Variants in ADAM18 observed in about 807,000 individuals in gnomAD.
ADAM18 encodes the protein ADAM metallopeptidase domain 18, also known as disintegrin and metalloproteinase domain-containing protein 18.
Under a neutral mutation model 94.4 loss-of-function variants are expected in ADAM18, and 117 were observed. That is an observed-to-expected ratio of 1.24 (90% confidence interval 1.07 to 1.45). The LOEUF (loss-of-function observed/expected upper bound fraction) is 1.45. Ranked by LOEUF, ADAM18 falls within the 40% of genes most tolerant of loss-of-function variation. ADAM18 has a pLI of 0.00. For missense variants in ADAM18, 936 were observed against 880.0 expected (o/e 1.06, Z -0.81); for synonymous variants, 327 against 291.6 (o/e 1.12, Z -1.24).
intron 14 of ADAM18, among the ~76,000 whole-genome samples, chr8:39,672,101 T>G (rs62511905): frequency 0.62 from 94,760 of 152,034 alleles, 31,879 homozygotes; most frequent in Non-Finnish European, 0.76. Context: ...AAGTGAAATT[T>G]AAATGACAGA....
At chr8:39,666,466 C>T (rs767985636) in intron 13 of ADAM18, among the ~76,000 whole-genome samples, 33 of 152,084 alleles carry the variant, frequency 2.2e-4, no homozygotes, top group Non-Finnish European at 4.6e-4. Flanking sequence ...GTTACCATTT[C>T]TTTTATTTAT....
At chr8:39,647,964 A>G (rs925580244) in intron 11 of ADAM18, among the ~76,000 whole-genome samples, 4 of 152,194 alleles carry the variant, frequency 2.6e-5, no homozygotes, top group African/African-American at 9.7e-5. Flanking sequence ...AGACAGAGTA[A>G]CAGTCTGATC....
chr8:39,629,386 T>C lies in ADAM18; in HGVS notation c.535T>C (p.Ser179Pro). Residue 179 changes from serine to proline, a missense_variant, in exon 7 of 20, where the codon TCA becomes CCA. Transcript: ENST00000265707. ...TGTTGTTTTCCAGATAAAAAATCTT[T>C]CAAAACTATTACCCCAATATCTGGA... ...VPLNSQIKNLSKLLPQYLEIY... is the reference protein window; with the variant it reads ...VPLNSQIKNLPKLLPQYLEIY... The C allele has an allele frequency of 1.9e-6, 3 of 1,578,326 alleles. No homozygotes were observed. Among genetic ancestry groups the C allele is most frequent in the Non-Finnish European group, 2.6e-6 (3 of 1,157,934 alleles).
At chr8:39,657,528 C>T (rs1455102455) in intron 12 of ADAM18, among the ~76,000 whole-genome samples, 1 of 152,090 alleles carries the variant, frequency 6.6e-6, no homozygotes, top group Non-Finnish European at 1.5e-5. Flanking sequence ...GTTGCCCAGG[C>T]TGGTTTTGAA....
At chr8:39,652,033 A>C (rs1820554831) in intron 12 of ADAM18, among the ~76,000 whole-genome samples, 1 of 152,136 alleles carries the variant, frequency 6.6e-6, no homozygotes, top group South Asian at 2.1e-4. Flanking sequence ...TGTCTCACAA[A>C]ATATAAAAAA....
intron 11 of ADAM18, among the ~76,000 whole-genome samples, chr8:39,647,132 C>T (rs368548673): frequency 6.6e-6 from 1 of 151,484 alleles, no homozygotes; most frequent in Non-Finnish European, 1.5e-5. Flanking sequence ...CCTGCACCGG[C>T]ACCGGTCTCT....
chr8:39,719,117 G>A (rs1323495318), intron 18 of ADAM18, among the ~76,000 whole-genome samples: 2 of 151,332 alleles, frequency 1.3e-5, no homozygotes, highest in Admixed American at 6.6e-5. Flanking sequence ...TATCAAGTCA[G>A]CGTGGTACTG....
At chr8:39,674,218 G>C (rs1425554552) in intron 14 of ADAM18, among the ~76,000 whole-genome samples, 1 of 152,008 alleles carries the variant, frequency 6.6e-6, no homozygotes, top group Admixed American at 6.6e-5. Flanking sequence ...ATATTGACAG[G>C]GGGGTGTTAA....
chr8:39,683,953 A>G (rs1821537206), intron 16 of ADAM18, among the ~76,000 whole-genome samples: 1 of 152,128 alleles, frequency 6.6e-6, no homozygotes, highest in Non-Finnish European at 1.5e-5. Context: ...CCTGGGAAAC[A>G]TAGCGAGAAC....
intron 2 of ADAM18, among the ~76,000 whole-genome samples, chr8:39,594,327 T>A (rs925283311): frequency 6.6e-6 from 1 of 152,150 alleles, no homozygotes; most frequent in African/African-American, 2.4e-5. Context: ...TGTAATAATT[T>A]TTGCCTCAAT....
intron 18 of ADAM18, among the ~76,000 whole-genome samples, chr8:39,715,510 A>T (rs1423315026): frequency 6.6e-6 from 1 of 151,808 alleles, no homozygotes; most frequent in Non-Finnish European, 1.5e-5. Flanking sequence ...AAAATCAATG[A>T]AAGACTGGTT....
intron 14 of ADAM18, among the ~76,000 whole-genome samples, chr8:39,676,181 G>A (rs1169476361): frequency 1.3e-5 from 2 of 152,242 alleles, no homozygotes; most frequent in African/African-American, 2.4e-5. Flanking sequence ...TCTCTTCAGA[G>A]CTGTCAGACA....
At chr8:39,703,451 C>G (rs938900035) in intron 17 of ADAM18, among the ~76,000 whole-genome samples, 3 of 152,002 alleles carry the variant, frequency 2.0e-5, no homozygotes. Flanking sequence ...ACCTTCCTTT[C>G]TTTCTATTTT....
intron 17 of ADAM18, among the ~76,000 whole-genome samples, chr8:39,701,315 A>G (rs1026460019): frequency 6.7e-6 from 1 of 150,316 alleles, no homozygotes; most frequent in African/African-American, 2.4e-5. Context: ...GTATTTGCTG[A>G]TATATGTATT....
intron 18 of ADAM18, among the ~76,000 whole-genome samples, chr8:39,711,863 C>T (rs972203805): frequency 4.7e-5 from 7 of 150,048 alleles, no homozygotes; most frequent in African/African-American, 1.2e-4. Context: ...ACATAATGCC[C>T]CAAAACTTTT....
At chr8:39,678,673 A>C (rs1260328024) in intron 15 of ADAM18, among the ~76,000 whole-genome samples, 2 of 152,192 alleles carry the variant, frequency 1.3e-5, no homozygotes, top group Non-Finnish European at 2.9e-5. Context: ...GTCCAGAGGC[A>C]CATCTGCTGC....
chr8:39,675,554 G>T (rs1821277219), intron 14 of ADAM18, among the ~76,000 whole-genome samples: 1 of 152,106 alleles, frequency 6.6e-6, no homozygotes, highest in South Asian at 2.1e-4. Context: ...TAGCTTCCTT[G>T]TGATGGGTTT....
At chr8:39,722,323 A>G (rs1369418622) in intron 18 of ADAM18, among the ~76,000 whole-genome samples, 3 of 148,814 alleles carry the variant, frequency 2.0e-5, no homozygotes, top group African/African-American at 7.4e-5. Flanking sequence ...CTTTATATAT[A>G]TATCATGGAA....
intron 2 of ADAM18, among the ~76,000 whole-genome samples, chr8:39,586,365 CTG>C (rs1410667147): frequency 6.6e-6 from 1 of 152,148 alleles, no homozygotes; most frequent in East Asian, 1.9e-4. Context: ...GGCATCAAAT[CTG>C]TGTTAGCATG....
Sources: allele counts gnomAD v4.1 joint callset (sites outside exome capture counted in the v4.1 genomes callset), GRCh38; gene constraint gnomAD v4.1.1; transcripts MANE v1.5; gene names NCBI Gene and HGNC (gene_info 2026-07-23, HGNC 2026-07-21).